The following LRGUK variants were observed in gnomAD, a reference collection of about 807,000 sequenced individuals.
LRGUK encodes leucine rich repeats and guanylate kinase domain containing, also known as leucine-rich repeat and guanylate kinase domain-containing protein.
LRGUK carries 65 observed loss-of-function variants against 76.0 expected under a neutral mutation model. The ratio of observed to expected loss-of-function variants is 0.85; its 90% confidence interval spans 0.70 to 1.05. The LOEUF is 1.05. LRGUK is among the 50% of genes least tolerant of loss of function. The pLI is 0.00. For missense variants in LRGUK, 758 were observed against 732.8 expected (o/e 1.03, Z -0.40); for synonymous variants, 268 against 265.6 (o/e 1.01, Z -0.09).
At chr7:134,188,917 A>T (rs1022031556) in intron 11 of LRGUK, among the ~76,000 whole-genome samples, 2 of 152,180 alleles carry the variant, frequency 1.3e-5, no homozygotes, top group Admixed American at 6.5e-5. Flanking sequence ...CAGAAAAAAA[A>T]ATACTACTTC....
chr7:134,269,925 G>A, the LRGUK span, among the ~76,000 whole-genome samples: 36 of 152,070 alleles, frequency 2.4e-4, no homozygotes, highest in African/African-American at 8.7e-4. Flanking sequence ...TAAAAGTCTA[G>A]GAATACAGGG....
At chr7:134,235,668 C>G (rs183385511) in intron 16 of LRGUK, among the ~76,000 whole-genome samples, 30 of 152,274 alleles carry the variant, frequency 2.0e-4, no homozygotes, top group African/African-American at 7.2e-4. Flanking sequence ...TTGTTACTCC[C>G]TGATGTATTC....
chr7:134,249,152 G>C (rs1802384696), intron 18 of LRGUK, 76 bp downstream of exon 18: 2 of 1,385,340 alleles, frequency 1.4e-6, no homozygotes, highest in Non-Finnish European at 9.5e-7. Context: ...TCATCTCTAA[G>C]CTTCAGAGAA....
chr7:134,266,215 T>C (rs1802852559), downstream of LRGUK, among the ~76,000 whole-genome samples: 1 of 152,086 alleles, frequency 6.6e-6, no homozygotes, highest in Admixed American at 6.5e-5. Context: ...CCAAACTGTC[T>C]AAGATATAAT....
rs117495471 is a variant in LRGUK at position 134,257,444 on chromosome 7, G to A, written c.2199-813G>A. ...GAATCCCAAAGGAGAGGAACCTGGCGGTAGGAAGTGTTTGGGCTCAGAGGC... is the reference window on the plus strand; with the variant it reads ...GAATCCCAAAGGAGAGGAACCTGGCAGTAGGAAGTGTTTGGGCTCAGAGGC... On this transcript the variant is annotated intron_variant, in intron 18 of 19. Coordinates refer to the LRGUK transcript ENST00000285928. Among the ~76,000 whole-genome samples, 42 of 152,200 alleles carry A rather than the reference G, an allele frequency of 2.8e-4. No individual in the cohort carries two copies. The East Asian group carries it at 8.1e-3, about 29-fold the overall frequency.
chr7:134,151,489 C>T (rs1798222492), intron 5 of LRGUK, among the ~76,000 whole-genome samples: 1 of 151,990 alleles, frequency 6.6e-6, no homozygotes, highest in South Asian at 2.1e-4. Flanking sequence ...CAATAGTGAA[C>T]AAATTCTTTC....
At chr7:134,130,688 A>G (rs139109296) in intron 1 of LRGUK, among the ~76,000 whole-genome samples, 166 of 152,310 alleles carry the variant, frequency 1.1e-3, no homozygotes, top group African/African-American at 3.7e-3. Flanking sequence ...CACCTTTGCA[A>G]TGCTATCATG....
At chr7:134,176,679 C>A (rs1799494340) in intron 8 of LRGUK, among the ~76,000 whole-genome samples, 1 of 152,048 alleles carries the variant, frequency 6.6e-6, no homozygotes, top group African/African-American at 2.4e-5. Flanking sequence ...TTTGCCCGGC[C>A]AATTAAATTA....
intron 16 of LRGUK, among the ~76,000 whole-genome samples, chr7:134,223,507 A>G (rs778282851): frequency 3.9e-5 from 6 of 152,194 alleles, no homozygotes; most frequent in Non-Finnish European, 7.3e-5. Flanking sequence ...GGAAAGTCAT[A>G]TTTATCCAAA....
Position 134,238,450 on chromosome 7 carries a change from T to A in LRGUK, c.1984-9106T>A, listed in dbSNP as rs186246319. Among the ~76,000 whole-genome samples the A allele has an allele frequency of 6.8e-4, 103 of 152,244 alleles. 3 individuals are homozygous for A. The East Asian group carries it at 0.019, about 28-fold the overall frequency. ...GTATTCATTTCTTTTTTATTTAAAA[T>A]TTTTTAGCCTGCTCACATTCTATTT... On this transcript the variant is annotated intron_variant, in intron 16 of 19. Transcript: ENST00000285928.
At chr7:134,208,076 G>GT (rs1801081557) in intron 15 of LRGUK, among the ~76,000 whole-genome samples, 2 of 152,188 alleles carry the variant, frequency 1.3e-5, no homozygotes, top group African/African-American at 4.8e-5. Flanking sequence ...GGGGATGTGA[G>GT]TGCGGGAATA....
At chr7:134,222,093 A>G (rs1292098617) in intron 16 of LRGUK, among the ~76,000 whole-genome samples, 175 bp downstream of exon 16, 3 of 152,240 alleles carry the variant, frequency 2.0e-5, no homozygotes, top group Non-Finnish European at 4.4e-5. Context: ...ACTGGTTCTA[A>G]AAGTAGAATA....
chr7:134,157,762 A>T (rs1044191258), intron 5 of LRGUK, among the ~76,000 whole-genome samples: 2 of 152,154 alleles, frequency 1.3e-5, no homozygotes, highest in African/African-American at 4.8e-5. Context: ...TGACCTCATG[A>T]TGTGCCCACC....
At chr7:134,232,239 C>G (rs1801918475) in intron 16 of LRGUK, among the ~76,000 whole-genome samples, 2 of 152,038 alleles carry the variant, frequency 1.3e-5, no homozygotes, top group Admixed American at 6.6e-5. Flanking sequence ...TGTGGAAATC[C>G]CCAGTATTAC....
At chr7:134,127,366 A>C in exon 1 of LRGUK, 1 of 1,584,700 alleles carries the variant, frequency 6.3e-7, no homozygotes, top group Non-Finnish European at 8.6e-7. Context: ...CCGCTAAACA[A>C]GATGGCGACC....
At chr7:134,200,112 C>T (rs1404861588) in intron 14 of LRGUK, among the ~76,000 whole-genome samples, 1 of 147,206 alleles carries the variant, frequency 6.8e-6, no homozygotes, top group East Asian at 2.0e-4. Flanking sequence ...TTCACTACAA[C>T]CTCTTCCTCC....
chr7:134,174,095 G>A (rs1425219919), intron 7 of LRGUK, among the ~76,000 whole-genome samples: 10 of 142,534 alleles, frequency 7.0e-5, no homozygotes, highest in African/African-American at 2.4e-4. Flanking sequence ...GTGACAGAGC[G>A]AGACTCCATC....
chr7:134,267,883 C>G (rs1352087439), downstream of LRGUK, among the ~76,000 whole-genome samples: 1 of 151,766 alleles, frequency 6.6e-6, no homozygotes, highest in Non-Finnish European at 1.5e-5. Flanking sequence ...ATGCAATATG[C>G]CAGTGTAACG....
intron 16 of LRGUK, among the ~76,000 whole-genome samples, chr7:134,238,335 T>A (rs1802060769): frequency 6.6e-6 from 1 of 152,224 alleles, no homozygotes; most frequent in Non-Finnish European, 1.5e-5. Context: ...TTCCTTGTTT[T>A]GTTTATTTTG....
Sources: allele counts gnomAD v4.1 joint callset (sites outside exome capture counted in the v4.1 genomes callset), GRCh38; gene constraint gnomAD v4.1.1; transcripts MANE v1.5; gene names NCBI Gene and HGNC (gene_info 2026-07-23, HGNC 2026-07-21).